Variants in UGCG observed in about 807,000 individuals in gnomAD.
UGCG encodes the protein ceramide glucosyltransferase.
A neutral mutation model predicts 49.5 loss-of-function variants in UGCG; 10 were observed. The observed-to-expected ratio is 0.20, with a 90% CI of 0.12 to 0.34. The LOEUF is 0.34. Among genes scored for constraint, UGCG ranks in the 10% least tolerant of loss-of-function variants. UGCG has a pLI of 1.00. For missense variants in UGCG, 312 were observed against 483.7 expected, an observed-to-expected ratio of 0.65 and a Z score of 3.33; for synonymous variants, 182 against 158.2, an observed-to-expected ratio of 1.15 and a Z score of -1.13.
In UGCG at chr9:111,903,145, A is replaced by C. The variant is rs1409923300; in HGVS notation, c.98+5832A>C. Among the ~76,000 whole-genome samples, 6 of 152,240 alleles carry C rather than the reference A, an allele frequency of 3.9e-5. No individual in the cohort carries two copies. In the East Asian group the frequency reaches 1.2e-3, roughly 29 times the overall value. On this transcript the variant is annotated intron_variant, in intron 1 of 8. Coordinates refer to ENST00000374279, the MANE Select transcript of UGCG (RefSeq NM_003358.3). ...GTTGCTGCAGAGGCTGCTTCCCGCC[A>C]TCTGAAGGGGAAGGAGCCCACCCTC...
At chr9:111,926,307 A>G (rs941970083) in intron 4 of UGCG, 77 bp from the exon 5 acceptor site, 5 of 815,216 alleles carry the variant, frequency 6.1e-6, no homozygotes, top group Non-Finnish European at 5.7e-6. Context: ...TTCACAAAAT[A>G]TATTTTATAT....
In UGCG at chr9:111,897,124, C is replaced by G; in HGVS notation, c.-92C>G. 3 of 1,134,672 alleles carry G rather than the reference C, an allele frequency of 2.6e-6. No homozygotes were observed. Among genetic ancestry groups the G allele is most frequent in the Non-Finnish European group, 3.7e-6 (3 of 815,680 alleles). The allele number at this position is 1,134,672 out of a possible 1,614,324, so 70.3% of individuals were successfully genotyped here. ...CCACCTTCCTCTCGCCTCCCGCGCC[C>G]CCGCACCGGGCGCCCACCCTGTCCT... On this transcript the variant is annotated 5_prime_UTR_variant, in exon 1 of 9. Transcript: ENST00000374279.
chr9:111,915,045 A>C, intron 2 of UGCG: 1 of 234,976 alleles, frequency 4.3e-6, no homozygotes, highest in Non-Finnish European at 8.4e-6. Context: ...ATTTTCTTCC[A>C]TAAGAGCTGG....
intron 1 of UGCG, among the ~76,000 whole-genome samples, chr9:111,912,857 G>T (rs1404621871): frequency 6.6e-6 from 1 of 152,076 alleles, no homozygotes; most frequent in Non-Finnish European, 1.5e-5. Flanking sequence ...TAAATTTCTT[G>T]TTGGTTTTAA....
chr9:111,909,172 A>C lies in UGCG; in HGVS notation c.99-5433A>C, dbSNP rs895881335. On this transcript the variant is annotated intron_variant, in intron 1 of 8. Coordinates refer to ENST00000374279, the MANE Select transcript of UGCG (RefSeq NM_003358.3). Reference sequence around the variant, plus strand: ...TGACCTCAAGTGATCCGCCTGCCTCATCTTCCCAAAGTGCTAGAATTATAA... The same window carrying C: ...TGACCTCAAGTGATCCGCCTGCCTCCTCTTCCCAAAGTGCTAGAATTATAA... 3.9e-5 allele frequency among the ~76,000 whole-genome samples: 6 copies of C among 152,266 alleles called. No homozygotes were observed. In the South Asian group the frequency reaches 1.2e-3, roughly 32 times the overall value.
chr9:111,930,470 G>T lies in UGCG; in HGVS notation c.737+792G>T, dbSNP rs1454841770. On this transcript the variant is annotated intron_variant, in intron 6 of 8. Coordinates refer to ENST00000374279, the MANE Select transcript of UGCG (RefSeq NM_003358.3). ...ATCACAAAATACTTGTTTTGTTTTG[G>T]TTTTTTTTTTTTTTTTTGAGACAGT... Among the ~76,000 whole-genome samples the T allele has an allele frequency of 1.5e-4, 20 of 132,970 alleles. 1 individual carries two copies. The highest frequency in any genetic ancestry group is 2.3e-4 in the South Asian group (1 of 4,280). 87.2% of individuals were successfully genotyped at this position (132,970 alleles called of 152,430 possible).
intron 5 of UGCG, among the ~76,000 whole-genome samples, chr9:111,927,383 C>CA (rs1182757297): frequency 2.0e-5 from 3 of 150,146 alleles, no homozygotes; most frequent in Non-Finnish European, 4.4e-5. Flanking sequence ...GTATAAGATG[C>CA]AAAAAAACAA....
Position 111,922,344 on chromosome 9 carries a change from T to A in UGCG, c.241-505T>A, listed in dbSNP as rs141508699. Among the ~76,000 whole-genome samples the A allele has an allele frequency of 2.6e-3, 397 of 152,344 alleles. 1 individual carries two copies. The highest frequency in any genetic ancestry group is 8.7e-3 in the African/African-American group (360 of 41,572). The stretch of plus-strand genomic sequence containing the variant: ...TACTTTGTCCTTTTCATGTGATGAA[T>A]TTGGAAGGGCCCTTTAAATTTATTA... On this transcript the variant is annotated intron_variant, in intron 2 of 8. Transcript: ENST00000374279.
At position 111,908,765 on chromosome 9, in the gene UGCG, T is replaced by C. The variant is rs145611349; in HGVS notation, c.99-5840T>C. On this transcript the variant is annotated intron_variant, in intron 1 of 8. Transcript: ENST00000374279. The stretch of plus-strand genomic sequence containing the variant: ...TGTAGGAATCATAGGCTCAAGTTCA[T>C]ACTGTCTAGGAAATGCAGAAACCCT... Among the ~76,000 whole-genome samples the C allele has an allele frequency of 1.6e-4, 24 of 152,306 alleles. No homozygotes were observed. In the East Asian group the frequency reaches 4.2e-3, roughly 27 times the overall value.
chr9:111,923,272 G>T (rs1302335107), intron 3 of UGCG, among the ~76,000 whole-genome samples: 2 of 151,712 alleles, frequency 1.3e-5, no homozygotes, highest in East Asian at 1.9e-4. Flanking sequence ...GTGAATGATA[G>T]AATTCACTTT....
intron 1 of UGCG, 108 bp downstream of exon 1, chr9:111,897,421 G>A: frequency 1.2e-6 from 1 of 837,514 alleles, no homozygotes; most frequent in Non-Finnish European, 1.8e-6. Context: ...GGGCGGGGGT[G>A]GAGAAAGCTG....
chr9:111,918,750 T>C (rs1203343984), intron 2 of UGCG, among the ~76,000 whole-genome samples: 1 of 151,312 alleles, frequency 6.6e-6, no homozygotes, highest in East Asian at 1.9e-4. Context: ...TGAAACCCCG[T>C]CTCTACTAAA....
Position 111,897,212 on chromosome 9 carries a change from G to A in UGCG, c.-4G>A. The A allele has an allele frequency of 6.5e-7, 1 of 1,545,154 alleles. No homozygotes were observed. Among genetic ancestry groups the A allele is most frequent in the Non-Finnish European group, 8.7e-7 (1 of 1,146,674 alleles). On this transcript the variant is annotated 5_prime_UTR_variant, in exon 1 of 9. Transcript: ENST00000374279. ...CGGGCCGGGCCGGTCCGGCGGGCCGGGGGATGGCGCTGCTGGACCTGGCCT... is the reference window on the plus strand; with the variant it reads ...CGGGCCGGGCCGGTCCGGCGGGCCGAGGGATGGCGCTGCTGGACCTGGCCT...
intron 7 of UGCG, 147 bp downstream of exon 7, chr9:111,931,504 G>T: frequency 1.5e-6 from 1 of 659,826 alleles, no homozygotes; most frequent in East Asian, 2.8e-5. Context: ...TAACGTCTGT[G>T]TTTAAGATAA....
chr9:111,909,465 C>T (rs185438337), intron 1 of UGCG, among the ~76,000 whole-genome samples: 254 of 152,290 alleles, frequency 1.7e-3, no homozygotes, highest in African/African-American at 5.7e-3. Context: ...ACCTGTGGAA[C>T]GATTCTCCAG....
intron 1 of UGCG, among the ~76,000 whole-genome samples, chr9:111,901,936 C>T (rs1837782750): frequency 6.6e-6 from 1 of 152,176 alleles, no homozygotes; most frequent in African/African-American, 2.4e-5. Context: ...ATCACAGTAG[C>T]TTAAAATCTT....
chr9:111,897,278 G>T lies in UGCG; in HGVS notation c.63G>T (p.Val21=), dbSNP rs1288205380. The T allele has an allele frequency of 6.4e-7, 1 of 1,560,968 alleles. No homozygotes were observed. The highest frequency in any genetic ancestry group is 1.2e-5 in the South Asian group (1 of 84,786). Residue 21 remains valine, a synonymous_variant, in exon 1 of 9, where the codon GTG becomes GTT. Coordinates refer to ENST00000374279, the MANE Select transcript of UGCG (RefSeq NM_003358.3). ...MAVFGFVLFL[V]LWLMHFMAII... is the part of the protein sequence containing the mutation. ...TCTTCGGGTTCGTCCTCTTCTTGGT[G>T]CTGTGGCTGATGCATTTCATGGCTA...
At chr9:111,914,923 AG>A (rs1589522608) in intron 2 of UGCG, 177 bp downstream of exon 2, 1 of 889,274 alleles carries the variant, frequency 1.1e-6, no homozygotes, top group Non-Finnish European at 1.6e-6. Context: ...AGGTTGAGGA[AG>A]GGGTGTAAAT....
intron 1 of UGCG, among the ~76,000 whole-genome samples, chr9:111,903,785 G>A (rs1376289030): frequency 1.3e-5 from 2 of 152,046 alleles, no homozygotes; most frequent in African/African-American, 2.4e-5. Context: ...TTGTAGAGAC[G>A]GGGTTCCGCC....
Sources: gnomAD v4.1 joint callset for allele counts (sites outside exome capture counted in the v4.1 genomes callset) on GRCh38, gnomAD v4.1.1 for gene constraint, MANE v1.5 for transcripts, NCBI Gene and HGNC (gene_info 2026-07-23, HGNC 2026-07-21) for gene names.